The following ADAM23 variants were observed in gnomAD, a reference collection of about 807,000 sequenced individuals.
ADAM23 encodes disintegrin and metalloproteinase domain-containing protein 23.
In ADAM23, 33 loss-of-function variants were observed where a neutral mutation model predicts 120.1. The observed-to-expected ratio is 0.27, with a 90% CI of 0.21 to 0.37. The LOEUF (loss-of-function observed/expected upper bound fraction) is 0.37, where lower values mean the gene tolerates loss of function less well. ADAM23 is among the 10% of genes least tolerant of loss of function. The pLI is 1.00. For synonymous variants in ADAM23, 367 were observed against 375.2 expected (o/e 0.98, Z 0.25); for missense variants, 862 against 1,058.2 (o/e 0.81, Z 2.57).
intron 24 of ADAM23, among the ~76,000 whole-genome samples, chr2:206,604,246 ACAGAGCGAGACTC>A: frequency 6.6e-6 from 1 of 152,310 alleles, no homozygotes; most frequent in Middle Eastern, 3.4e-3. Context: ...AGCCTGGGCG[ACAGAGCGAGACTC>A]CATCTCAAAA....
chr2:206,487,765 G>C (rs1189527840), intron 3 of ADAM23, among the ~76,000 whole-genome samples: 1 of 152,214 alleles, frequency 6.6e-6, no homozygotes. Flanking sequence ...TAAAAAGGCA[G>C]CATTATGTTC....
intron 8 of ADAM23, 58 bp downstream of exon 8, chr2:206,548,412 A>G (rs1452985350): frequency 2.0e-6 from 3 of 1,493,250 alleles, no homozygotes; most frequent in Non-Finnish European, 1.8e-6. Flanking sequence ...TCATGTGCCT[A>G]TCACCCCACA....
intron 3 of ADAM23, among the ~76,000 whole-genome samples, chr2:206,516,743 C>A (rs1233187951): frequency 1.3e-5 from 2 of 152,108 alleles, no homozygotes; most frequent in Non-Finnish European, 2.9e-5. Context: ...GACGTTCACT[C>A]TTGAAGGATT....
intron 2 of ADAM23, among the ~76,000 whole-genome samples, chr2:206,457,503 T>C (rs973152423): frequency 6.6e-6 from 1 of 152,216 alleles, no homozygotes; most frequent in African/African-American, 2.4e-5. Flanking sequence ...GTGAACTAAC[T>C]GCAGCTGAAC....
intron 15 of ADAM23, among the ~76,000 whole-genome samples, chr2:206,569,819 A>G (rs944516796): frequency 6.6e-6 from 1 of 152,126 alleles, no homozygotes; most frequent in Admixed American, 6.5e-5. Flanking sequence ...TGGAAGGAGG[A>G]TCAGTTCTTT....
intron 9 of ADAM23, 41 bp downstream of exon 9, chr2:206,550,201 A>G: frequency 7.9e-7 from 1 of 1,258,650 alleles, no homozygotes. Flanking sequence ...CAGATAGCTT[A>G]CTTAAGAAAG....
At chr2:206,559,924 C>A in intron 10 of ADAM23, 31 bp from the exon 11 acceptor site, 1 of 1,584,528 alleles carries the variant, frequency 6.3e-7, no homozygotes, top group Non-Finnish European at 8.6e-7. Flanking sequence ...CAGTGTTTTC[C>A]TCCTGCACCT....
At chr2:206,564,553 G>T (rs989747862) in intron 13 of ADAM23, among the ~76,000 whole-genome samples, 25 of 152,208 alleles carry the variant, frequency 1.6e-4, no homozygotes, top group Non-Finnish European at 5.9e-5. Flanking sequence ...ACACCGTCTA[G>T]TGTGAACCCC....
intron 24 of ADAM23, among the ~76,000 whole-genome samples, chr2:206,601,667 G>A (rs1000734360): frequency 6.6e-6 from 1 of 151,878 alleles, no homozygotes; most frequent in Non-Finnish European, 1.5e-5. Flanking sequence ...CCAGCTACTT[G>A]GGAGGCTGAA....
chr2:206,526,986 T>G (rs1384372788), intron 3 of ADAM23, among the ~76,000 whole-genome samples: 1 of 152,232 alleles, frequency 6.6e-6, no homozygotes, highest in Non-Finnish European at 1.5e-5. Context: ...TTTCTTTCAC[T>G]GGCTTGAACT....
At chr2:206,584,774 A>T (rs531838684) in intron 18 of ADAM23, among the ~76,000 whole-genome samples, 93 of 152,170 alleles carry the variant, frequency 6.1e-4, no homozygotes, top group African/African-American at 2.0e-3. Context: ...GCCCAGTTCA[A>T]ATTGTTAAAA....
chr2:206,589,611 T>G, intron 21 of ADAM23, 97 bp downstream of exon 21: 1 of 987,464 alleles, frequency 1.0e-6, no homozygotes. Flanking sequence ...GATTTTTTTC[T>G]AAGTGTTCAC....
chr2:206,543,767 A>G (rs1697341603), intron 6 of ADAM23, among the ~76,000 whole-genome samples: 1 of 152,008 alleles, frequency 6.6e-6, no homozygotes, highest in East Asian at 1.9e-4. Context: ...ACACACACAC[A>G]CACGCACACG....
chr2:206,602,276 A>T (rs1361140045), intron 24 of ADAM23, among the ~76,000 whole-genome samples: 5 of 152,174 alleles, frequency 3.3e-5, no homozygotes, highest in African/African-American at 1.2e-4. Context: ...ATTTTCATTG[A>T]CAGCATAAAC....
chr2:206,462,604 T>G (rs542953715), intron 2 of ADAM23, among the ~76,000 whole-genome samples: 3 of 152,286 alleles, frequency 2.0e-5, no homozygotes, highest in African/African-American at 7.2e-5. Flanking sequence ...AGTTGTTGTC[T>G]TCTGCCCCTG....
At chr2:206,535,026 T>C (rs1697142790) in intron 4 of ADAM23, among the ~76,000 whole-genome samples, 1 of 151,960 alleles carries the variant, frequency 6.6e-6, no homozygotes, top group Non-Finnish European at 1.5e-5. Context: ...CTTTCTCTTC[T>C]CTGAATTGTA....
At chr2:206,608,402 A>T (rs1303770828) in intron 24 of ADAM23, among the ~76,000 whole-genome samples, 1 of 152,152 alleles carries the variant, frequency 6.6e-6, no homozygotes, top group Non-Finnish European at 1.5e-5. Context: ...AAACTTCTAG[A>T]AGCCTGTTTC....
At chr2:206,570,965 A>G (rs2105830546) in intron 16 of ADAM23, among the ~76,000 whole-genome samples, 154 bp downstream of exon 16, 1 of 152,350 alleles carries the variant, frequency 6.6e-6, no homozygotes, top group Middle Eastern at 3.4e-3. Flanking sequence ...ACCTGTTGGA[A>G]TCAGTCATGT....
At chr2:206,574,239 T>C (rs893650226) in intron 18 of ADAM23, among the ~76,000 whole-genome samples, 1 of 152,146 alleles carries the variant, frequency 6.6e-6, no homozygotes, top group African/African-American at 2.4e-5. Context: ...ATTTTTGGAT[T>C]AGGGAAGCTC....
Sources: gnomAD v4.1 joint callset for allele counts (sites outside exome capture counted in the v4.1 genomes callset) on GRCh38, gnomAD v4.1.1 for gene constraint, MANE v1.5 for transcripts, NCBI Gene and HGNC (gene_info 2026-07-23, HGNC 2026-07-21) for gene names.